GCSAML: variants seen among roughly 807,000 people sequenced by gnomAD.
GCSAML encodes germinal center-associated signaling and motility-like protein.
Under a neutral mutation model 13.0 loss-of-function variants are expected in GCSAML, and 9 were observed. That is an observed-to-expected ratio of 0.69 (90% CI 0.42 to 1.21). The LOEUF (loss-of-function observed/expected upper bound fraction) is 1.21. GCSAML is among the 50% of genes most tolerant of loss of function. The pLI, the probability that GCSAML is intolerant of heterozygous loss-of-function variation, is 0.00. For synonymous variants in GCSAML, 37 were observed against 52.9 expected, an observed-to-expected ratio of 0.70 and a Z score of 1.31; for missense variants, 143 against 153.4, an observed-to-expected ratio of 0.93 and a Z score of 0.36.
At chr1:247,507,509 C>T (rs1239928514) in intron 1 of GCSAML, among the ~76,000 whole-genome samples, 3 of 152,062 alleles carry the variant, frequency 2.0e-5, no homozygotes, top group African/African-American at 7.2e-5. Flanking sequence ...AGACTTTATG[C>T]ATTTATGTAA....
rs543509043 is a variant in GCSAML at position 247,574,047 on chromosome 1, C to A, written c.169-96C>A. 38 of 1,375,632 alleles carry A rather than the reference C, an allele frequency of 2.8e-5. No individual in the cohort carries two copies. In the East Asian group the frequency reaches 8.2e-4, roughly 30 times the overall value. 85.2% of individuals were successfully genotyped at this position (1,375,632 alleles called of 1,614,324 possible). On this transcript the variant is annotated intron_variant, in intron 4 of 4. Transcript: ENST00000366488. ...TTTGGATACCTTAAGTGTAAGAGCA[C>A]CATCAGGTGTATAAAGAAGAAGGGA...
At chr1:247,543,066 G>A (rs923934686) in intron 2 of GCSAML, among the ~76,000 whole-genome samples, 8 of 152,210 alleles carry the variant, frequency 5.3e-5, no homozygotes, top group African/African-American at 1.9e-4. Context: ...TCAGCAGGGA[G>A]CACCAAGCTG....
chr1:247,531,949 A>G (rs749532361), intron 2 of GCSAML: 2 of 1,614,194 alleles, frequency 1.2e-6, no homozygotes, highest in Admixed American at 1.7e-5. Context: ...CACACAAGCC[A>G]GTTGCATAAT....
intron 1 of GCSAML, among the ~76,000 whole-genome samples, chr1:247,522,231 G>A (rs1234581007): frequency 3.5e-5 from 4 of 112,754 alleles, no homozygotes; most frequent in Middle Eastern, 4.5e-3. Context: ...CCAGCCAGCC[G>A]CCCTGTCCGG....
intron 2 of GCSAML, among the ~76,000 whole-genome samples, chr1:247,563,382 A>G (rs1668211426): frequency 6.6e-6 from 1 of 152,190 alleles, no homozygotes; most frequent in Admixed American, 6.5e-5. Context: ...TTCATGCTAT[A>G]TGGAGCTTTG....
upstream of GCSAML, among the ~76,000 whole-genome samples, chr1:247,545,175 G>A (rs1667526929): frequency 6.6e-6 from 1 of 152,138 alleles, no homozygotes; most frequent in Non-Finnish European, 1.5e-5. Flanking sequence ...ATTGGTTTTG[G>A]TTCCAATATT....
rs141577676 is a variant in GCSAML, at chr1:247,537,111, G to A, written c.-148+10057G>A. Among the ~76,000 whole-genome samples, 167 of 152,228 alleles carry A rather than the reference G, an allele frequency of 1.1e-3. 1 individual carries two copies. The highest frequency in any genetic ancestry group is 3.7e-3 in the African/African-American group (153 of 41,540). ...CTCAAATGGAAAACCTGTAGCCATC[G>A]AGCAGTCAGTCTTCATTTGCCAGCT... On this transcript the variant is annotated intron_variant, in intron 2 of 5. Transcript: ENST00000366489.
intron 2 of GCSAML, among the ~76,000 whole-genome samples, chr1:247,541,750 C>T (rs1443574215): frequency 6.6e-6 from 1 of 152,160 alleles, no homozygotes; most frequent in Admixed American, 6.5e-5. Context: ...TGGCTCACAT[C>T]TGTAATCTCA....
intron 1 of GCSAML, among the ~76,000 whole-genome samples, chr1:247,512,110 T>C (rs1666060661): frequency 6.6e-6 from 1 of 152,190 alleles, no homozygotes; most frequent in South Asian, 2.1e-4. Flanking sequence ...TTTTTCAACT[T>C]GGTTCCATTC....
intron 2 of GCSAML, chr1:247,530,519 C>CG (rs1553302937): frequency 7.2e-6 from 1 of 138,124 alleles, no homozygotes; most frequent in East Asian, 2.2e-4. Context: ...CCATGCCATC[C>CG]CCCCCCCACA....
intron 1 of GCSAML, 121 bp downstream of exon 1, chr1:247,549,341 C>G (rs1667690564): frequency 3.7e-6 from 3 of 806,850 alleles, no homozygotes; most frequent in East Asian, 5.1e-5. Context: ...AGCCTGAAGA[C>G]AGCATCCTCT....
chr1:247,567,509 A>T (rs1668431421), intron 4 of GCSAML, among the ~76,000 whole-genome samples: 1 of 152,134 alleles, frequency 6.6e-6, no homozygotes, highest in Non-Finnish European at 1.5e-5. Context: ...CCATAAACTT[A>T]TTCTTTTTTA....
intron 4 of GCSAML, 66 bp downstream of exon 4, chr1:247,566,025 TG>T: frequency 8.9e-7 from 1 of 1,128,336 alleles, no homozygotes; most frequent in Non-Finnish European, 1.3e-6. Context: ...GTCTGATAAA[TG>T]CCAAAATACA....
chr1:247,531,828 C>G, intron 2 of GCSAML: 1 of 1,614,234 alleles, frequency 6.2e-7, no homozygotes, highest in Non-Finnish European at 8.5e-7. Flanking sequence ...CTGACCTGAT[C>G]TTCAACACGG....
At chr1:247,546,470 T>C (rs1572341766), upstream of GCSAML, among the ~76,000 whole-genome samples, 1 of 152,276 alleles carries the variant, frequency 6.6e-6, no homozygotes, top group South Asian at 2.1e-4. Context: ...GCCATTCTCC[T>C]GCCTCAGCCT....
chr1:247,522,306 C>T (rs1464055098), intron 1 of GCSAML, among the ~76,000 whole-genome samples: 2 of 143,244 alleles, frequency 1.4e-5, no homozygotes, highest in Non-Finnish European at 3.1e-5. Flanking sequence ...TGGGGGGCGC[C>T]TCCACCTGGC....
At position 247,575,454 on chromosome 1, in the gene GCSAML, A is replaced by AGGTTT. The variant is rs1668797904; in HGVS notation, c.*1072_*1073insGGTTT. 6.6e-6 allele frequency: 1 copy of AGGTTT among 152,184 alleles called. No homozygotes were observed. Among genetic ancestry groups the AGGTTT allele is most frequent in the Non-Finnish European group, 1.5e-5 (1 of 68,032 alleles). The allele number at this position is 152,184 out of a possible 1,614,324, so 9.4% of individuals were successfully genotyped here. On this transcript the variant is annotated 3_prime_UTR_variant, in exon 5 of 5. Transcript: ENST00000366488. ...TTCATCTTTGAGGTGTAATCTACTC[A>AGGTTT]ATAAACTGTGTAAGACCAGTGACCA...
chr1:247,518,495 A>G (rs1435797534), intron 1 of GCSAML: 6 of 152,376 alleles, frequency 3.9e-5, no homozygotes, highest in East Asian at 1.9e-4. Flanking sequence ...ACCCGCTTCA[A>G]CTGCCTGCAA....
At chr1:247,515,617 A>G (rs898964395) in intron 1 of GCSAML, among the ~76,000 whole-genome samples, 1 of 152,160 alleles carries the variant, frequency 6.6e-6, no homozygotes, top group Non-Finnish European at 1.5e-5. Flanking sequence ...AATCATGACT[A>G]GGAGGCCTCA....
Sources: allele counts gnomAD v4.1 joint callset (sites outside exome capture counted in the v4.1 genomes callset), GRCh38; gene constraint gnomAD v4.1.1; transcripts MANE v1.5; gene names NCBI Gene and HGNC (gene_info 2026-07-23, HGNC 2026-07-21).